Variants in LRRTM4 observed in about 807,000 individuals in gnomAD.
LRRTM4 encodes leucine-rich repeat transmembrane neuronal protein 4.
A neutral mutation model predicts 47.6 loss-of-function variants in LRRTM4; 25 were observed. That is an observed-to-expected ratio of 0.53 (90% confidence interval 0.38 to 0.73). The LOEUF is 0.73. Ranked by LOEUF, LRRTM4 falls within the 30% of genes least tolerant of loss-of-function variation. The pLI is 0.00. For missense variants in LRRTM4, 638 were observed against 713.4 expected (o/e 0.89, Z 1.20); for synonymous variants, 311 against 269.5 (o/e 1.15, Z -1.51).
intron 3 of LRRTM4, among the ~76,000 whole-genome samples, chr2:77,341,634 C>CTGT (rs1356398854): frequency 2.0e-5 from 3 of 152,002 alleles, no homozygotes; most frequent in African/African-American, 7.2e-5. Flanking sequence ...CAGTAACTAT[C>CTGT]TGTTGAATGA....
intron 3 of LRRTM4, among the ~76,000 whole-genome samples, chr2:76,848,367 C>T (rs771432220): frequency 3.9e-5 from 6 of 151,986 alleles, no homozygotes; most frequent in Non-Finnish European, 5.9e-5. Context: ...TCAACTTTGG[C>T]CTCTTCTTAT....
chr2:77,418,536 T>G (rs1336335233), intron 3 of LRRTM4, among the ~76,000 whole-genome samples: 8 of 152,202 alleles, frequency 5.3e-5, no homozygotes, highest in Admixed American at 3.3e-4. Flanking sequence ...CTCAAAAATT[T>G]CCAGTGATTC....
At chr2:77,004,633 G>A (rs1334491738) in intron 3 of LRRTM4, among the ~76,000 whole-genome samples, 1 of 152,144 alleles carries the variant, frequency 6.6e-6, no homozygotes, top group Non-Finnish European at 1.5e-5. Flanking sequence ...ATGGGGCACT[G>A]TCTATTGGAT....
intron 3 of LRRTM4, among the ~76,000 whole-genome samples, chr2:77,091,994 C>T (rs1290925482): frequency 6.6e-6 from 1 of 151,748 alleles, no homozygotes. Context: ...CTTGACCTTA[C>T]TGTTTTAGCC....
chr2:77,251,249 G>A (rs201063752), intron 3 of LRRTM4, among the ~76,000 whole-genome samples: 169 of 70,536 alleles, frequency 2.4e-3, no homozygotes, highest in Middle Eastern at 0.017. Flanking sequence ...GTGTGTGTGT[G>A]TATATATATA....
intron 3 of LRRTM4, among the ~76,000 whole-genome samples, chr2:77,096,955 C>A (rs929928659): frequency 2.0e-5 from 3 of 151,720 alleles, no homozygotes; most frequent in African/African-American, 7.2e-5. Context: ...ATAAAAAAAT[C>A]CATATGCTAA....
chr2:77,480,769 G>A (rs1677645419), intron 3 of LRRTM4, among the ~76,000 whole-genome samples: 1 of 128,492 alleles, frequency 7.8e-6, no homozygotes, highest in East Asian at 2.2e-4. Flanking sequence ...AACTTGCTAT[G>A]TGTGGCTGTT....
chr2:77,489,733 A>G (rs531887234), intron 3 of LRRTM4, among the ~76,000 whole-genome samples: 1 of 152,298 alleles, frequency 6.6e-6, no homozygotes, highest in South Asian at 2.1e-4. Context: ...TACAAAACCT[A>G]ATATTAGAGA....
chr2:77,064,631 C>T (rs936678187), intron 3 of LRRTM4, among the ~76,000 whole-genome samples: 1 of 152,142 alleles, frequency 6.6e-6, no homozygotes, highest in African/African-American at 2.4e-5. Flanking sequence ...GTTTCCACTC[C>T]AGCATTAAGT....
At chr2:76,911,212 A>G (rs10166085) in intron 3 of LRRTM4, among the ~76,000 whole-genome samples, 636 of 152,282 alleles carry the variant, frequency 4.2e-3, no homozygotes, top group African/African-American at 0.015. Context: ...GAAACCTTTG[A>G]CAAGAATTAT....
chr2:76,929,647 AG>A (rs1158077025), intron 3 of LRRTM4, among the ~76,000 whole-genome samples: 1 of 152,178 alleles, frequency 6.6e-6, no homozygotes, highest in Non-Finnish European at 1.5e-5. Context: ...AAGTTAAACA[AG>A]TGAAGTCCAG....
intron 3 of LRRTM4, among the ~76,000 whole-genome samples, chr2:77,210,996 G>A (rs1208880172): frequency 6.6e-6 from 1 of 152,014 alleles, no homozygotes; most frequent in Non-Finnish European, 1.5e-5. Context: ...GTCACTGTAC[G>A]CTAATGACTC....
chr2:76,954,812 C>A (rs1675617575), intron 3 of LRRTM4, among the ~76,000 whole-genome samples: 2 of 151,834 alleles, frequency 1.3e-5, no homozygotes, highest in Admixed American at 1.3e-4. Flanking sequence ...TCATCACATA[C>A]AACTCACCAC....
chr2:76,796,098 C>A (rs549571802), intron 3 of LRRTM4, among the ~76,000 whole-genome samples: 1 of 137,522 alleles, frequency 7.3e-6, no homozygotes, highest in Non-Finnish European at 1.6e-5. Context: ...GAATACTGCG[C>A]TTTTCAGACA....
intron 3 of LRRTM4, among the ~76,000 whole-genome samples, chr2:77,349,822 A>G (rs974993924): frequency 2.6e-5 from 4 of 152,170 alleles, no homozygotes; most frequent in Non-Finnish European, 5.9e-5. Context: ...TTAGTACATA[A>G]ATAACAGATT....
chr2:77,041,584 G>A (rs187952431), intron 3 of LRRTM4, among the ~76,000 whole-genome samples: 70 of 151,176 alleles, frequency 4.6e-4, no homozygotes, highest in East Asian at 2.8e-3. Context: ...ATTATTTTTC[G>A]TCTTTTTTAG....
intron 3 of LRRTM4, among the ~76,000 whole-genome samples, chr2:77,204,585 A>G (rs1349612905): frequency 2.0e-5 from 3 of 152,128 alleles, no homozygotes; most frequent in Non-Finnish European, 4.4e-5. Context: ...CTGTTTCTTC[A>G]GGAAGTCTTC....
chr2:77,403,570 T>C (rs970588574), intron 3 of LRRTM4, among the ~76,000 whole-genome samples: 2 of 151,880 alleles, frequency 1.3e-5, no homozygotes, highest in Non-Finnish European at 2.9e-5. Context: ...TGATTTTTTA[T>C]TTCTTCATCT....
chr2:77,130,260 G>A (rs966315699), intron 3 of LRRTM4, among the ~76,000 whole-genome samples: 3 of 152,050 alleles, frequency 2.0e-5, no homozygotes, highest in African/African-American at 7.2e-5. Flanking sequence ...CCATGAAAAC[G>A]CAACTTTATT....
Sources: allele counts gnomAD v4.1 joint callset (sites outside exome capture counted in the v4.1 genomes callset), GRCh38; gene constraint gnomAD v4.1.1; transcripts MANE v1.5; gene names NCBI Gene and HGNC (gene_info 2026-07-23, HGNC 2026-07-21).